CCDC171: variants seen among roughly 807,000 people sequenced by gnomAD.
The protein encoded by CCDC171 is coiled-coil domain containing 171.
CCDC171 carries 177 observed loss-of-function variants against 168.2 expected under a neutral mutation model. The ratio of observed to expected loss-of-function variants is 1.05; its 90% CI spans 0.93 to 1.19. The LOEUF is 1.19. CCDC171 is among the 50% of genes most tolerant of loss of function. CCDC171 has a pLI of 0.00. For synonymous variants in CCDC171, 687 were observed against 540.8 expected, an observed-to-expected ratio of 1.27 and a Z score of -3.75; for missense variants, 1,991 against 1,539.0, an observed-to-expected ratio of 1.29 and a Z score of -4.91.
intron 21 of CCDC171, among the ~76,000 whole-genome samples, chr9:15,802,701 A>T (rs1007518891): frequency 6.6e-6 from 1 of 152,204 alleles, no homozygotes; most frequent in Non-Finnish European, 1.5e-5. Flanking sequence ...TATCGTAAAT[A>T]GTGCTGCAAT....
chr9:15,951,139 C>G (rs1349916417), intron 25 of CCDC171, among the ~76,000 whole-genome samples: 6 of 150,526 alleles, frequency 4.0e-5, no homozygotes, highest in African/African-American at 1.5e-4. Flanking sequence ...CCTGAGCGAC[C>G]TACAAAGAGA....
intron 3 of CCDC171, among the ~76,000 whole-genome samples, chr9:15,983,137 T>C (rs532298201): frequency 3.7e-4 from 56 of 152,288 alleles, no homozygotes; most frequent in African/African-American, 1.3e-3. Flanking sequence ...TCCTACTTTT[T>C]TGATAGGTTC....
chr9:15,565,041 C>T (rs1310597498), intron 2 of CCDC171, among the ~76,000 whole-genome samples: 3 of 151,276 alleles, frequency 2.0e-5, no homozygotes, highest in South Asian at 2.1e-4. Context: ...GTAATTTACC[C>T]GTAAATTTGT....
intron 25 of CCDC171, among the ~76,000 whole-genome samples, chr9:15,955,016 G>T (rs547779066): frequency 1.3e-5 from 2 of 151,980 alleles, no homozygotes; most frequent in Admixed American, 1.3e-4. Context: ...TTTTTTTGCT[G>T]TTGTTGAAAA....
At chr9:15,998,719 A>G (rs750091214) in intron 3 of CCDC171, among the ~76,000 whole-genome samples, 3 of 152,146 alleles carry the variant, frequency 2.0e-5, no homozygotes, top group Non-Finnish European at 2.9e-5. Context: ...TGGAAGGTTT[A>G]TTCATGCCCT....
chr9:15,996,285 C>T (rs1035232422), intron 3 of CCDC171, among the ~76,000 whole-genome samples: 2 of 152,010 alleles, frequency 1.3e-5, no homozygotes, highest in Non-Finnish European at 2.9e-5. Context: ...TGTGGGACAT[C>T]GTGGGGAACC....
intron 1 of CCDC171, among the ~76,000 whole-genome samples, chr9:16,043,081 G>A (rs144617187): frequency 1.3e-5 from 2 of 152,294 alleles, no homozygotes; most frequent in South Asian, 2.1e-4. Flanking sequence ...AAAGTGTGAT[G>A]AGCCCAAGTC....
intron 6 of CCDC171, among the ~76,000 whole-genome samples, chr9:15,604,989 C>G (rs1431933948): frequency 6.6e-6 from 1 of 152,148 alleles, no homozygotes; most frequent in South Asian, 2.1e-4. Flanking sequence ...ACTATCACAG[C>G]TCACTGCAGC....
intron 6 of CCDC171, among the ~76,000 whole-genome samples, chr9:16,025,011 G>A (rs1201126147): frequency 6.6e-6 from 1 of 152,204 alleles, no homozygotes. Flanking sequence ...TTGCTGGTGG[G>A]AATGTAAACT....
intron 7 of CCDC171, among the ~76,000 whole-genome samples, chr9:15,634,358 A>G (rs2046026552): frequency 6.6e-6 from 1 of 152,166 alleles, no homozygotes; most frequent in South Asian, 2.1e-4. Context: ...ACAAAGGGAT[A>G]TCTGCTAGTT....
intron 21 of CCDC171, among the ~76,000 whole-genome samples, chr9:15,809,719 AT>A (rs1264737604): frequency 6.6e-6 from 1 of 152,192 alleles, no homozygotes; most frequent in African/African-American, 2.4e-5. Flanking sequence ...GTTACAGCTC[AT>A]AAAGGCAGTG....
chr9:16,016,901 A>G (rs1437290583), intron 3 of CCDC171, among the ~76,000 whole-genome samples: 1 of 152,190 alleles, frequency 6.6e-6, no homozygotes, highest in Admixed American at 6.5e-5. Context: ...ATCTAAAATG[A>G]TATATGATAT....
At chr9:15,757,814 C>T (rs990566665) in intron 18 of CCDC171, among the ~76,000 whole-genome samples, 1 of 152,186 alleles carries the variant, frequency 6.6e-6, no homozygotes, top group Non-Finnish European at 1.5e-5. Flanking sequence ...CAACGTAGAG[C>T]TTGGTCCATG....
chr9:15,760,214 G>A (rs2056368251), intron 18 of CCDC171, among the ~76,000 whole-genome samples: 2 of 151,976 alleles, frequency 1.3e-5, no homozygotes, highest in Non-Finnish European at 1.5e-5. Flanking sequence ...TTTCTTCTTA[G>A]CCCCAGGAAA....
intron 21 of CCDC171, among the ~76,000 whole-genome samples, chr9:15,800,272 T>A (rs2058756425): frequency 6.6e-6 from 1 of 151,976 alleles, no homozygotes; most frequent in Non-Finnish European, 1.5e-5. Context: ...TGTGCATCCA[T>A]TTGTTACTCC....
chr9:15,901,248 G>T (rs2794622), intron 24 of CCDC171, among the ~76,000 whole-genome samples: 1 of 151,974 alleles, frequency 6.6e-6, no homozygotes, highest in African/African-American at 2.4e-5. Flanking sequence ...AGTCTATTTT[G>T]TGTGATACTA....
At chr9:15,854,467 G>A (rs553497820) in intron 23 of CCDC171, among the ~76,000 whole-genome samples, 1 of 151,438 alleles carries the variant, frequency 6.6e-6, no homozygotes, top group Non-Finnish European at 1.5e-5. Flanking sequence ...TAGTAATTTA[G>A]TAACTTTTCT....
intron 8 of CCDC171, among the ~76,000 whole-genome samples, chr9:15,659,401 A>C (rs1489516301): frequency 6.6e-6 from 1 of 152,240 alleles, no homozygotes; most frequent in Non-Finnish European, 1.5e-5. Flanking sequence ...TTAAAATCTA[A>C]TAAATATGGT....
At chr9:15,595,482 C>T (rs1689578802) in intron 6 of CCDC171, among the ~76,000 whole-genome samples, 1 of 152,138 alleles carries the variant, frequency 6.6e-6, no homozygotes, top group South Asian at 2.1e-4. Flanking sequence ...ATGAACTTAT[C>T]CTTTTTTATG....
Sources: gnomAD v4.1 joint callset for allele counts (sites outside exome capture counted in the v4.1 genomes callset) on GRCh38, gnomAD v4.1.1 for gene constraint, MANE v1.5 for transcripts, NCBI Gene and HGNC (gene_info 2026-07-23, HGNC 2026-07-21) for gene names.